The following ZNF48 variants were observed in gnomAD, a reference collection of about 807,000 sequenced individuals.
The protein encoded by ZNF48 is zinc finger protein 553.
Under a neutral mutation model 40.0 loss-of-function variants are expected in ZNF48, and 20 were observed. The ratio of observed to expected loss-of-function variants is 0.50; its 90% CI spans 0.35 to 0.73. The LOEUF (loss-of-function observed/expected upper bound fraction) is 0.73, where lower values mean the gene tolerates loss of function less well. ZNF48 is among the 30% of genes least tolerant of loss of function. The pLI is 0.01. For synonymous variants in ZNF48, 298 were observed against 329.7 expected (o/e 0.90, Z 1.04); for missense variants, 726 against 851.9 (o/e 0.85, Z 1.84).
At chr16:30,380,033 T>A (rs1353936755) in intron 1 of ZNF48, 1 of 1,609,344 alleles carries the variant, frequency 6.2e-7, no homozygotes, top group African/African-American at 1.3e-5. Context: ...TGATCCCGGA[T>A]CTCAGGGGAA....
chr16:30,382,275 C>A lies in ZNF48; in HGVS notation c.-16+3865C>A. 2 of 1,613,706 alleles carry A rather than the reference C, an allele frequency of 1.2e-6. No homozygotes were observed. The highest frequency in any genetic ancestry group is 1.6e-4 in the Middle Eastern group (1 of 6,062). Reference sequence around the variant, plus strand: ...AGTTCCCTCTCCAAAACCCCCAGACCTGCCACCATTAGCGTGAAGTCAAAC... The same window carrying A: ...AGTTCCCTCTCCAAAACCCCCAGACATGCCACCATTAGCGTGAAGTCAAAC... On this transcript the variant is annotated intron_variant, in intron 1 of 2. Coordinates refer to the ZNF48 transcript ENST00000528032. This position sits in a 1 kb window ranked among gnomAD's most constrained non-coding sequence, Gnocchi z 4.8.
At chr16:30,379,293 G>A (rs2049804865) in intron 1 of ZNF48, 3 of 1,475,034 alleles carry the variant, frequency 2.0e-6, no homozygotes, top group Non-Finnish European at 2.8e-6. Context: ...CGGAGGGTCC[G>A]CGGTCTGCAG....
Position 30,398,091 on chromosome 16 carries a change from G to A in ZNF48, c.841G>A (p.Gly281Ser), listed in dbSNP as rs1486994751. The A allele has an allele frequency of 2.5e-6, 4 of 1,613,436 alleles. No individual in the cohort carries two copies. The highest frequency in any genetic ancestry group is 2.2e-5 in the South Asian group (2 of 90,998). The change falls in exon 3 of 3, where the codon GGC (glycine) becomes AGC (serine). Residue 281 changes from glycine to serine, a missense_variant. Physicochemically the swap from Gly to Ser is moderately conservative, Grantham distance 56. Transcript: ENST00000613509. The surrounding 1 kb of genome is among the most constrained non-coding windows in gnomAD (Gnocchi z 6.6). ...CAAGCCATATATCTGCACTGATTGC[G>A]GCAAGAGGTTTGTGCTCAGCTGCAG... ...QDKPYICTDC[G>S]KRFVLSCSLL...
intron 1 of ZNF48, among the ~76,000 whole-genome samples, chr16:30,389,899 C>T (rs944751437): frequency 8.5e-6 from 1 of 118,078 alleles, no homozygotes; most frequent in South Asian, 3.0e-4. Flanking sequence ...TGTAGTAGTG[C>T]GATCATAGGT....
chr16:30,378,422 C>G (rs141091881), intron 1 of ZNF48: 1 of 1,558,584 alleles, frequency 6.4e-7, no homozygotes, highest in Non-Finnish European at 8.6e-7. Flanking sequence ...TAAGGCCGGG[C>G]GGGGCGTGGC....
Position 30,378,615 on chromosome 16 carries a change from C to T in ZNF48, c.-16+205C>T, listed in dbSNP as rs762996705. On this transcript the variant is annotated intron_variant, in intron 1 of 2. Transcript: ENST00000528032. ...GAAGCGAGGTGCGTGCTCACCTCTTCGTCTTTCTCGCGGATCAGCTTCTCG... is the reference window on the plus strand; with the variant it reads ...GAAGCGAGGTGCGTGCTCACCTCTTTGTCTTTCTCGCGGATCAGCTTCTCG... The T allele has an allele frequency of 5.0e-6, 8 of 1,611,230 alleles. No homozygotes were observed. The African/African-American group carries it at 5.4e-5, about 11-fold the overall frequency.
chr16:30,379,588 C>T (rs540193596), intron 1 of ZNF48: 7 of 1,308,096 alleles, frequency 5.4e-6, no homozygotes, highest in South Asian at 2.4e-5. Context: ...GAAACTTTCT[C>T]TTTCCCAGCT....
At chr16:30,386,970 T>C in intron 1 of ZNF48, among the ~76,000 whole-genome samples, 1 of 119,800 alleles carries the variant, frequency 8.3e-6, no homozygotes, top group African/African-American at 3.3e-5. Context: ...TGAGACAGAG[T>C]CTTGCTCTGT....
intron 1 of ZNF48, chr16:30,379,212 A>C: frequency 6.2e-7 from 1 of 1,612,512 alleles, no homozygotes; most frequent in Non-Finnish European, 8.5e-7. Context: ...GGACCAGCGA[A>C]CGTCAGGGAG....
At position 30,397,754 on chromosome 16, in the gene ZNF48, T is replaced by C; in HGVS notation, c.504T>C (p.Tyr168=). The change falls in exon 3 of 3, where the codon TAT becomes TAC. Residue 168 remains tyrosine (Y), a synonymous_variant. Transcript: ENST00000613509. This position sits in a 1 kb window ranked among gnomAD's most constrained non-coding sequence, Gnocchi z 4.1. ...HQRTHSGEKP[Y]RARPPAQGPP... ...GGACTCATAGTGGGGAGAAGCCCTA[T>C]AGAGCCCGGCCACCAGCCCAGGGTC... 1 of 1,613,168 alleles carries C rather than the reference T, an allele frequency of 6.2e-7. No homozygotes were observed. The highest frequency in any genetic ancestry group is 1.1e-5 in the South Asian group (1 of 91,056).
rs369539163 is a variant in ZNF48, at chr16:30,397,809, G to A, written c.559G>A (p.Ala187Thr). The A allele has an allele frequency of 6.2e-7, 1 of 1,613,658 alleles. No individual in the cohort carries two copies. Among genetic ancestry groups the A allele is most frequent in the Non-Finnish European group, 8.5e-7 (1 of 1,179,968 alleles). The change falls in exon 3 of 3, where the codon GCT becomes ACT. Residue 187 changes from alanine (A) to threonine (T), a missense_variant. Physicochemically the swap from Ala to Thr is moderately conservative, Grantham distance 58. Coordinates refer to ENST00000613509, the MANE Select transcript of ZNF48 (RefSeq NM_001214909.2). The surrounding 1 kb of genome is among the most constrained non-coding windows in gnomAD (Gnocchi z 4.1). The part of the protein sequence containing the change: ...PPKIPRSRIP[A>T]GERPTICGEC... Reference sequence around the variant, plus strand: ...AAAGATTCCTCGGTCCCGGATCCCTGCTGGTGAGCGCCCCACTATCTGTGG... The same window carrying A: ...AAAGATTCCTCGGTCCCGGATCCCTACTGGTGAGCGCCCCACTATCTGTGG...
Position 30,398,758 on chromosome 16 carries a change from G to A in ZNF48, c.1508G>A (p.Gly503Asp). 1.2e-6 allele frequency: 2 copies of A among 1,613,760 alleles called. No individual in the cohort carries two copies. The highest frequency in any genetic ancestry group is 1.7e-6 in the Non-Finnish European group (2 of 1,180,006). Residue 503 changes from glycine to aspartate, a missense_variant, in exon 3 of 3, where the codon GGT becomes GAT. Transcript: ENST00000613509. This position sits in a 1 kb window ranked among gnomAD's most constrained non-coding sequence, Gnocchi z 6.6. ...GTCAAGCACCTCCGCACCCACCGTGGTGAACGGGCCCGGCCACCACCACCA... is the reference window on the plus strand; with the variant it reads ...GTCAAGCACCTCCGCACCCACCGTGATGAACGGGCCCGGCCACCACCACCA... ...ARVKHLRTHR[G>D]ERARPPPPST...
chr16:30,379,454 G>A, intron 1 of ZNF48: 1 of 1,613,894 alleles, frequency 6.2e-7, no homozygotes, highest in East Asian at 2.2e-5. Context: ...TCCCCCAGGA[G>A]TAGCGGCGTC....
intron 1 of ZNF48, among the ~76,000 whole-genome samples, chr16:30,384,835 G>T (rs1432234152): frequency 6.6e-6 from 1 of 151,144 alleles, no homozygotes; most frequent in Non-Finnish European, 1.5e-5. Flanking sequence ...CCAAGATCCT[G>T]CCACTGCACT....
chr16:30,390,645 GGA>G (rs1438079544), upstream of ZNF48, among the ~76,000 whole-genome samples: 1 of 84,382 alleles, frequency 1.2e-5, no homozygotes, highest in East Asian at 3.8e-4. Flanking sequence ...TTTTTGAGAT[GGA>G]GTTTTCTCTG....
chr16:30,380,172 G>A (rs1334220904), intron 1 of ZNF48: 2 of 572,802 alleles, frequency 3.5e-6, no homozygotes, highest in African/African-American at 1.9e-5. Flanking sequence ...GGGGAGAGAT[G>A]GACATACAGG....
At position 30,397,207 on chromosome 16, in the gene ZNF48, A is replaced by G; in HGVS notation, c.80-123A>G. On this transcript the variant is annotated intron_variant, in intron 2 of 2. Transcript: ENST00000613509. The surrounding 1 kb of genome is among the most constrained non-coding windows in gnomAD (Gnocchi z 4.1). Reference sequence around the variant, plus strand: ...GATAGTAAGTGCACCAGAGGTTGAGAGGACAGAGAGATTGGGGTTCCTGTG... The same window carrying G: ...GATAGTAAGTGCACCAGAGGTTGAGGGGACAGAGAGATTGGGGTTCCTGTG... The G allele has an allele frequency of 1.2e-6, 1 of 845,812 alleles. No homozygotes were observed. The highest frequency in any genetic ancestry group is 2.8e-5 in the Admixed American group (1 of 35,122). The allele number at this position is 845,812 out of a possible 1,614,324, so 52.4% of individuals were successfully genotyped here. A position where few individuals can be genotyped will look rare whatever the true frequency, so the allele number is the denominator to read the frequency against.
At chr16:30,385,036 C>T (rs1436149588) in intron 1 of ZNF48, among the ~76,000 whole-genome samples, 4 of 151,826 alleles carry the variant, frequency 2.6e-5, no homozygotes, top group Non-Finnish European at 4.4e-5. Context: ...ATTAGCAGGG[C>T]GTGATGGCGC....
chr16:30,379,226 C>A, intron 1 of ZNF48: 2 of 1,608,502 alleles, frequency 1.2e-6, no homozygotes, highest in Non-Finnish European at 1.7e-6. Context: ...CAGGGAGTTT[C>A]GGGTCCAACC....
Sources: gnomAD v4.1 joint callset for allele counts (sites outside exome capture counted in the v4.1 genomes callset) on GRCh38, gnomAD v4.1.1 for gene constraint, Gnocchi (gnomAD v3.1) non-coding constraint, MANE v1.5 for transcripts, NCBI Gene and HGNC (gene_info 2026-07-23, HGNC 2026-07-21) for gene names.